Variants in SMARCA4 observed in about 807,000 individuals in gnomAD.
SMARCA4 encodes the protein SWI/SNF related BAF chromatin remodeling complex subunit ATPase 4, also known as SWI/SNF-related matrix-associated actin-dependent regulator of chromatin subfamily A member 4.
SMARCA4 carries 31 observed loss-of-function variants against 193.9 expected under a neutral mutation model. That is an observed-to-expected ratio of 0.16 (90% CI 0.12 to 0.22). SMARCA4 has a LOEUF of 0.22. Among genes scored for constraint, SMARCA4 ranks in the 10% least tolerant of loss-of-function variants. The pLI is 1.00. For synonymous variants in SMARCA4, 942 were observed against 933.1 expected (o/e 1.01, Z -0.17); for missense variants, 1,148 against 2,296.0 (o/e 0.50, Z 10.22).
intron 1 of SMARCA4, among the ~76,000 whole-genome samples, chr19:10,974,796 TG>T (rs2084993920): frequency 1.4e-5 from 2 of 138,516 alleles, no homozygotes; most frequent in Admixed American, 1.6e-4. Context: ...AACCTCTGGC[TG>T]CTGGGTTCAA....
At chr19:11,059,669 G>T (rs2076743450) in intron 32 of SMARCA4, 84 bp from the exon 33 acceptor site, 4 of 1,451,454 alleles carry the variant, frequency 2.8e-6, no homozygotes, top group Non-Finnish European at 2.8e-6. Flanking sequence ...GCAACACAGG[G>T]CTGGGGCTGG....
chr19:11,046,236 A>G (rs534383239), intron 30 of SMARCA4, among the ~76,000 whole-genome samples: 1 of 152,180 alleles, frequency 6.6e-6, no homozygotes, highest in Non-Finnish European at 1.5e-5. Context: ...AAAAAAAAAA[A>G]AACCCCAAAT....
chr19:11,053,796 A>G (rs1040026102), intron 30 of SMARCA4, among the ~76,000 whole-genome samples: 1 of 152,100 alleles, frequency 6.6e-6, no homozygotes, highest in Non-Finnish European at 1.5e-5. Context: ...CTGTAGTCCT[A>G]GCTACTTGGG....
At chr19:10,988,120 C>T (rs967293530) in intron 6 of SMARCA4, among the ~76,000 whole-genome samples, 196 bp downstream of exon 6, 1 of 151,944 alleles carries the variant, frequency 6.6e-6, no homozygotes, top group Non-Finnish European at 1.5e-5. Flanking sequence ...TTTGAGTTCT[C>T]TCTCTTTTTT....
At chr19:11,061,026 A>G (rs1172603621) in intron 34 of SMARCA4, among the ~76,000 whole-genome samples, 2 of 151,558 alleles carry the variant, frequency 1.3e-5, no homozygotes, top group Non-Finnish European at 2.9e-5. Context: ...CAGGCTGTTT[A>G]AAAAGGTTTT....
At chr19:11,046,110 A>G (rs892966299) in intron 30 of SMARCA4, among the ~76,000 whole-genome samples, 1 of 151,656 alleles carries the variant, frequency 6.6e-6, no homozygotes, top group Non-Finnish European at 1.5e-5. Flanking sequence ...GTAGTCCCAG[A>G]TACTCGAGAG....
At chr19:10,992,207 G>C (rs562504501) in intron 8 of SMARCA4, among the ~76,000 whole-genome samples, 159 of 151,670 alleles carry the variant, frequency 1.0e-3, no homozygotes, top group Non-Finnish European at 1.9e-3. Context: ...CATCTCCTGG[G>C]TTCAAGCAGT....
chr19:11,007,855 C>T (rs950655035), intron 13 of SMARCA4, 47 bp from the exon 14 acceptor site: 11 of 1,610,516 alleles, frequency 6.8e-6, no homozygotes, highest in African/African-American at 1.3e-5. Flanking sequence ...TCCCGTCCCC[C>T]CTCTCTGGGG....
chr19:11,026,359 C>G lies in SMARCA4; in HGVS notation c.3215+13C>G, dbSNP rs754656988. ...GCATTGTCCAAGGGTGAGAAGCTTCCCAACTGGATGGGGTGGGCAGGTGGT... is the reference window on the plus strand; with the variant it reads ...GCATTGTCCAAGGGTGAGAAGCTTCGCAACTGGATGGGGTGGGCAGGTGGT... On this transcript the variant is annotated intron_variant, in intron 23 of 34. Coordinates refer to ENST00000344626, the MANE Select transcript of SMARCA4 (RefSeq NM_003072.5). 3.7e-6 allele frequency: 6 copies of G among 1,611,570 alleles called. No individual in the cohort carries two copies. Among genetic ancestry groups the G allele is most frequent in the Non-Finnish European group, 5.1e-6 (6 of 1,177,804 alleles).
intron 9 of SMARCA4, chr19:10,995,465 G>A: frequency 4.4e-6 from 2 of 457,836 alleles, no homozygotes; most frequent in Non-Finnish European, 4.4e-6. Context: ...GCAGATACGC[G>A]AATGAAGCAA....
At position 11,058,062 on chromosome 19, in the gene SMARCA4, C is replaced by T. The variant is rs926777358; in HGVS notation, c.4425-193C>T. 2.6e-5 allele frequency among the ~76,000 whole-genome samples: 4 copies of T among 151,320 alleles called. No individual in the cohort carries two copies. Among genetic ancestry groups the T allele is most frequent in the African/African-American group, 7.3e-5 (3 of 41,130 alleles). On this transcript the variant is annotated intron_variant, in intron 30 of 34. Transcript: ENST00000344626. The surrounding 1 kb of genome is among the most constrained non-coding windows in gnomAD (Gnocchi z 5.8). Reference sequence around the variant, plus strand: ...TGGAGGTTGCAGTGAGCCGAGATCGCACCATTGCACTCCAGCCTGGGCAGC... The same window carrying T: ...TGGAGGTTGCAGTGAGCCGAGATCGTACCATTGCACTCCAGCCTGGGCAGC...
intron 13 of SMARCA4, among the ~76,000 whole-genome samples, chr19:11,004,979 A>G (rs1215976242): frequency 6.6e-6 from 1 of 152,020 alleles, no homozygotes; most frequent in African/African-American, 2.4e-5. Flanking sequence ...CTACAGGTGC[A>G]TGCCACCAAA....
At chr19:11,054,813 G>A (rs1307761935) in intron 30 of SMARCA4, among the ~76,000 whole-genome samples, 1 of 152,130 alleles carries the variant, frequency 6.6e-6, no homozygotes, top group Non-Finnish European at 1.5e-5. Flanking sequence ...TGTGTGTGGG[G>A]GTCAGAGGAG....
chr19:11,061,604 C>G, intron 34 of SMARCA4, 180 bp from the exon 35 acceptor site: 5 of 677,630 alleles, frequency 7.4e-6, no homozygotes, highest in Non-Finnish European at 1.3e-5. Context: ...TCTCGATCTC[C>G]TGACCTCGTG....
In SMARCA4 at chr19:10,987,945, C is replaced by A. The variant is rs1300909675; in HGVS notation, c.1118+21C>A. On this transcript the variant is annotated intron_variant, in intron 6 of 34. Coordinates refer to ENST00000344626, the MANE Select transcript of SMARCA4 (RefSeq NM_003072.5). This position sits in a 1 kb window ranked among gnomAD's most constrained non-coding sequence, Gnocchi z 5.3. ...TACAGGTGAGGGCGGGGCCCAGTTG[C>A]CAAGGTCACTGCCCTGTGTCCCCCA... 2 of 1,610,998 alleles carry A rather than the reference C, an allele frequency of 1.2e-6. No homozygotes were observed. Among genetic ancestry groups the A allele is most frequent in the Non-Finnish European group, 1.7e-6 (2 of 1,179,580 alleles).
At chr19:10,989,572 C>A in intron 7 of SMARCA4, 129 bp downstream of exon 7, 1 of 1,028,792 alleles carries the variant, frequency 9.7e-7, no homozygotes, top group Non-Finnish European at 1.5e-6. Flanking sequence ...CCGTGGCCAT[C>A]CATGGGCACT....
At chr19:11,047,440 A>C (rs1600522277) in intron 30 of SMARCA4, among the ~76,000 whole-genome samples, 1 of 145,916 alleles carries the variant, frequency 6.9e-6, no homozygotes, top group Non-Finnish European at 1.5e-5. Flanking sequence ...ATGCAGTCTC[A>C]CTCTGTCACT....
rs2146363080 is a variant in SMARCA4, at chr19:11,019,063, G to A, written c.2505+40G>A. ...CTGAGGTTTCCTCTCTTGCTACGGA[G>A]GTGCAGGCGGTGGTGGGCAGGACGT... On this transcript the variant is annotated intron_variant, in intron 17 of 34. Coordinates refer to ENST00000344626, the MANE Select transcript of SMARCA4 (RefSeq NM_003072.5). The surrounding 1 kb of genome is among the most constrained non-coding windows in gnomAD (Gnocchi z 6.1). The A allele has an allele frequency of 2.0e-6, 3 of 1,493,492 alleles. No homozygotes were observed. The highest frequency in any genetic ancestry group is 2.8e-6 in the Non-Finnish European group (3 of 1,069,808). 92.5% of individuals were successfully genotyped at this position (1,493,492 alleles called of 1,614,324 possible).
chr19:10,998,024 G>A (rs1408099968), intron 11 of SMARCA4, among the ~76,000 whole-genome samples: 4 of 152,076 alleles, frequency 2.6e-5, no homozygotes, highest in African/African-American at 9.7e-5. Context: ...GGTCCCTTTA[G>A]TCAGCTTTAG....
Sources: allele counts gnomAD v4.1 joint callset (sites outside exome capture counted in the v4.1 genomes callset), GRCh38; gene constraint gnomAD v4.1.1; non-coding constraint Gnocchi (gnomAD v3.1); transcripts MANE v1.5; gene names NCBI Gene and HGNC (gene_info 2026-07-23, HGNC 2026-07-21).